RASIP1: variants seen among roughly 807,000 people sequenced by gnomAD.
The protein encoded by RASIP1 is ras-interacting protein 1.
In RASIP1, 20 loss-of-function variants were observed where a neutral mutation model predicts 85.3. The observed-to-expected ratio is 0.23, with a 90% CI of 0.17 to 0.34. The LOEUF (loss-of-function observed/expected upper bound fraction) is 0.34, where lower values mean the gene tolerates loss of function less well. Among genes scored for constraint, RASIP1 ranks in the 10% least tolerant of loss-of-function variants. RASIP1 has a pLI of 1.00. For synonymous variants in RASIP1, 617 were observed against 647.1 expected, an observed-to-expected ratio of 0.95 and a Z score of 0.71; for missense variants, 1,170 against 1,390.9, an observed-to-expected ratio of 0.84 and a Z score of 2.53.
At position 48,738,604 on chromosome 19, in the gene RASIP1, C is replaced by T. The variant is rs577617949; in HGVS notation, c.823+356G>A. On this transcript the variant is annotated intron_variant, in intron 3 of 11. Transcript: ENST00000222145. The surrounding 1 kb of genome is among the most constrained non-coding windows in gnomAD (Gnocchi z 4.0). ...GCTACACACCCCACCTCCTCCAAGG[C>T]AGTCTGAAATGCCTGCAGAAGGCCC... The T allele has an allele frequency of 8.3e-5, 15 of 181,484 alleles. No homozygotes were observed. Among genetic ancestry groups the T allele is most frequent in the African/African-American group, 3.5e-4 (15 of 42,644 alleles). 11.2% of individuals were successfully genotyped at this position (181,484 alleles called of 1,614,324 possible). A position where few individuals can be genotyped will look rare whatever the true frequency, so the allele number is the denominator to read the frequency against.
intron 10 of RASIP1, 32 bp from the exon 11 acceptor site, chr19:48,722,033 T>C (rs2033257407): frequency 3.6e-6 from 5 of 1,381,612 alleles, no homozygotes; most frequent in Non-Finnish European, 4.8e-6. Context: ...AGGTTGATGG[T>C]CATTACGGGG....
In RASIP1 at chr19:48,724,931, C is replaced by T; in HGVS notation, c.2157G>A (p.Leu719=). The change falls in exon 9 of 12, where the codon CTG becomes CTA. Residue 719 remains leucine, a synonymous_variant. Coordinates refer to ENST00000222145, the MANE Select transcript of RASIP1 (RefSeq NM_017805.3). This position sits in a 1 kb window ranked among gnomAD's most constrained non-coding sequence, Gnocchi z 4.6. ...KTLYSTLPAL[L]DSNPFTAGAE... Reference sequence around the variant, plus strand: ...CACCAGCTGTGAAAGGGTTACTATCCAGGAGAGCAGGCAGCGTTGAATAGA... The same window carrying T: ...CACCAGCTGTGAAAGGGTTACTATCTAGGAGAGCAGGCAGCGTTGAATAGA... 1 of 1,613,656 alleles carries T rather than the reference C, an allele frequency of 6.2e-7. No homozygotes were observed. The highest frequency in any genetic ancestry group is 8.5e-7 in the Non-Finnish European group (1 of 1,179,596).
rs983944803 is a variant in RASIP1, at chr19:48,721,918, G to A, written c.2628C>T (p.Gly876=). The change falls in exon 11 of 12, where the codon GGC becomes GGT. Residue 876 remains glycine (G), a synonymous_variant. Coordinates refer to ENST00000222145, the MANE Select transcript of RASIP1 (RefSeq NM_017805.3). ...LHHLLSHYQL[G]PGRGPPAAWD... ...ACGCGGCTGGCGGCCCGCGGCCAGG[G>A]CCCAGCTGATAGTGGCTGAGCAGAT... 3 of 1,600,614 alleles carry A rather than the reference G, an allele frequency of 1.9e-6. No individual in the cohort carries two copies. The highest frequency in any genetic ancestry group is 2.6e-6 in the Non-Finnish European group (3 of 1,174,010).
Position 48,739,255 on chromosome 19 carries a change from C to T in RASIP1, c.528G>A (p.Val176=). The change falls in exon 3 of 12, where the codon GTG becomes GTA. Residue 176 remains valine, a synonymous_variant. Coordinates refer to ENST00000222145, the MANE Select transcript of RASIP1 (RefSeq NM_017805.3). This position sits in a 1 kb window ranked among gnomAD's most constrained non-coding sequence, Gnocchi z 9.2. Reference sequence around the variant, plus strand: ...GGCCGTAGCGCTCTAGCGCCTCGGCCACGAGCTCGCGCGCCGTGGAGCGCG... The same window carrying T: ...GGCCGTAGCGCTCTAGCGCCTCGGCTACGAGCTCGCGCGCCGTGGAGCGCG... ...ATARSTAREL[V]AEALERYGLA... 1 of 1,472,214 alleles carries T rather than the reference C, an allele frequency of 6.8e-7. No homozygotes were observed. The highest frequency in any genetic ancestry group is 2.1e-4 in the Middle Eastern group (1 of 4,790). The allele number at this position is 1,472,214 out of a possible 1,614,324, so 91.2% of individuals were successfully genotyped here. A position where few individuals can be genotyped will look rare whatever the true frequency, so the allele number is the denominator to read the frequency against.
At chr19:48,732,047 C>G (rs543254) in intron 4 of RASIP1, among the ~76,000 whole-genome samples, 4 of 149,584 alleles carry the variant, frequency 2.7e-5, no homozygotes, top group African/African-American at 9.8e-5. Flanking sequence ...TCAAATGAAA[C>G]CTTTTTTTTT....
At position 48,720,747 on chromosome 19, in the gene RASIP1, C is replaced by G. The variant is rs375767234; in HGVS notation, c.*51G>C. 24 of 1,572,056 alleles carry G rather than the reference C, an allele frequency of 1.5e-5. No individual in the cohort carries two copies. In the African/African-American group the frequency reaches 1.6e-4, roughly 11 times the overall value. On this transcript the variant is annotated 3_prime_UTR_variant, in exon 12 of 12. Coordinates refer to ENST00000222145, the MANE Select transcript of RASIP1 (RefSeq NM_017805.3). ...CTTTGCGCTCAGGCGGGCTCCTGTC[C>G]GTAGAAGCCCGTGACATTTCAAGGT...
Position 48,740,525 on chromosome 19 carries a change from C to T in RASIP1, c.-9G>A. On this transcript the variant is annotated 5_prime_UTR_variant, in exon 1 of 12. Coordinates refer to ENST00000222145, the MANE Select transcript of RASIP1 (RefSeq NM_017805.3). The surrounding 1 kb of genome is among the most constrained non-coding windows in gnomAD (Gnocchi z 5.5). The stretch of plus-strand genomic sequence containing the variant: ...TGCTGGGTCCCTGGCTCTTACCCTG[C>T]TTCGGGTCCGGCACACCCGGAGGCC... The T allele has an allele frequency of 2.9e-6, 4 of 1,389,752 alleles. No homozygotes were observed. Among genetic ancestry groups the T allele is most frequent in the Non-Finnish European group, 3.7e-6 (4 of 1,079,380 alleles). 86.1% of individuals were successfully genotyped at this position (1,389,752 alleles called of 1,614,324 possible). A position where few individuals can be genotyped will look rare whatever the true frequency, so the allele number is the denominator to read the frequency against.
Position 48,721,908 on chromosome 19 carries a change from C to T in RASIP1, c.2638G>A (p.Gly880Arg), listed in dbSNP as rs746217873. ...LSHYQLGPGR[G>R]PPAAWDPPPA... ...GGAGGGTCCCACGCGGCTGGCGGCCCGCGGCCAGGGCCCAGCTGATAGTGG... is the reference window on the plus strand; with the variant it reads ...GGAGGGTCCCACGCGGCTGGCGGCCTGCGGCCAGGGCCCAGCTGATAGTGG... The change falls in exon 11 of 12, where the codon GGG (glycine) becomes AGG (arginine). Residue 880 changes from glycine (G) to arginine (R), a missense_variant. By Grantham distance (125) the Gly-to-Arg change is moderately radical. Around this residue, in one of 4 missense-constraint regions of RASIP1, gnomAD observed 144 missense variants for 125.5 expected, o/e 1.15. Transcript: ENST00000222145. 10 of 1,604,550 alleles carry T rather than the reference C, an allele frequency of 6.2e-6. No homozygotes were observed. In the East Asian group the frequency reaches 1.1e-4, roughly 18 times the overall value.
intron 3 of RASIP1, among the ~76,000 whole-genome samples, 161 bp from the exon 4 acceptor site, chr19:48,735,712 T>C (rs2033557703): frequency 6.6e-6 from 1 of 152,238 alleles, no homozygotes; most frequent in African/African-American, 2.4e-5. Flanking sequence ...GTGGAACACC[T>C]TTCTGTCCTG....
intron 4 of RASIP1, among the ~76,000 whole-genome samples, chr19:48,730,871 G>C (rs940890300): frequency 6.6e-6 from 1 of 152,132 alleles, no homozygotes; most frequent in Non-Finnish European, 1.5e-5. Flanking sequence ...ACAAAAATTA[G>C]CCAGGCATGG....
chr19:48,738,067 C>T lies in RASIP1; in HGVS notation c.823+893G>A. 2.1e-6 allele frequency: 1 copy of T among 484,412 alleles called. No individual in the cohort carries two copies. Among genetic ancestry groups the T allele is most frequent in the Non-Finnish European group, 2.7e-6 (1 of 372,340 alleles). 30.0% of individuals were successfully genotyped at this position (484,412 alleles called of 1,614,324 possible). ...TCAAATTATTCTCATGTCTCGGCCT[C>T]CCGAGTAGCTGGGATTACAGGCATG... On this transcript the variant is annotated intron_variant, in intron 3 of 11. Transcript: ENST00000222145. The surrounding 1 kb of genome is among the most constrained non-coding windows in gnomAD (Gnocchi z 4.0).
At chr19:48,726,910 A>G (rs1331283001) in intron 7 of RASIP1, 22 bp from the exon 8 acceptor site, 1 of 1,610,976 alleles carries the variant, frequency 6.2e-7, no homozygotes, top group African/African-American at 1.3e-5. Context: ...CTTGGGGTTA[A>G]GAGGGAGAAC....
In RASIP1 at chr19:48,735,185, G is replaced by A. The variant is rs757965877; in HGVS notation, c.1179+11C>T. On this transcript the variant is annotated intron_variant, in intron 4 of 11. Coordinates refer to ENST00000222145, the MANE Select transcript of RASIP1 (RefSeq NM_017805.3). ...AGGGCTCTGGGCGTGCGGGGCTGGGGCGGCGGTTACCTGGGCGTCCTGGTA... is the reference window on the plus strand; with the variant it reads ...AGGGCTCTGGGCGTGCGGGGCTGGGACGGCGGTTACCTGGGCGTCCTGGTA... 3.8e-6 allele frequency: 6 copies of A among 1,598,490 alleles called. No homozygotes were observed. Among genetic ancestry groups the A allele is most frequent in the Non-Finnish European group, 5.1e-6 (6 of 1,170,646 alleles).
At position 48,740,031 on chromosome 19, in the gene RASIP1, T is replaced by C. The variant is rs947587960; in HGVS notation, c.137+115A>G. On this transcript the variant is annotated intron_variant, in intron 2 of 11. Transcript: ENST00000222145. The surrounding 1 kb of genome is among the most constrained non-coding windows in gnomAD (Gnocchi z 5.5). Reference sequence around the variant, plus strand: ...CCGTCTCCCCCTGCCCACCAGCTCGTTTGCCCAATTCAGGATGAGGACCGG... The same window carrying C: ...CCGTCTCCCCCTGCCCACCAGCTCGCTTGCCCAATTCAGGATGAGGACCGG... 7.4e-7 allele frequency: 1 copy of C among 1,355,240 alleles called. No individual in the cohort carries two copies. Among genetic ancestry groups the C allele is most frequent in the Non-Finnish European group, 9.8e-7 (1 of 1,022,942 alleles). 84.0% of individuals were successfully genotyped at this position (1,355,240 alleles called of 1,614,324 possible).
intron 8 of RASIP1, 63 bp downstream of exon 8, chr19:48,726,722 G>T: frequency 7.9e-7 from 1 of 1,260,762 alleles, no homozygotes; most frequent in Non-Finnish European, 1.1e-6. Flanking sequence ...CAAACAGGAA[G>T]TGATATTACG....
In RASIP1 at chr19:48,727,416, T is replaced by C. The variant is rs1266671076; in HGVS notation, c.1848A>G (p.Glu616=). Residue 616 remains glutamate (E), a synonymous_variant, in exon 6 of 12, where the codon GAA becomes GAG. Coordinates refer to ENST00000222145, the MANE Select transcript of RASIP1 (RefSeq NM_017805.3). ...ACTTTTCTGGCTGACGGTCTCCAAT[T>C]TCCTTAATCTTTTCCTGTGGAACAG... ...IKEAVWEKIK[E]IGDRQPENHP... The C allele has an allele frequency of 3.7e-6, 6 of 1,613,990 alleles. No homozygotes were observed. In the Admixed American group the frequency reaches 1.0e-4, roughly 27 times the overall value.
At chr19:48,728,487 C>T (rs1377567914) in intron 5 of RASIP1, among the ~76,000 whole-genome samples, 2 of 152,126 alleles carry the variant, frequency 1.3e-5, no homozygotes, top group Non-Finnish European at 2.9e-5. Flanking sequence ...CCCAAAACAC[C>T]GGGTGTGGTG....
At chr19:48,734,168 G>A (rs906561772) in intron 4 of RASIP1, among the ~76,000 whole-genome samples, 33 of 151,690 alleles carry the variant, frequency 2.2e-4, no homozygotes, top group African/African-American at 7.0e-4. Flanking sequence ...GGTGGCGGGC[G>A]CCTGTAGTCC....
chr19:48,731,113 A>G (rs756866732), intron 4 of RASIP1, among the ~76,000 whole-genome samples: 5 of 152,114 alleles, frequency 3.3e-5, no homozygotes, highest in African/African-American at 4.8e-5. Context: ...TCTCTCTACT[A>G]AAAATACAAA....
Sources: gnomAD v4.1 joint callset for allele counts (sites outside exome capture counted in the v4.1 genomes callset) on GRCh38, gnomAD v4.1.1 for gene constraint, gnomAD v4.1.1 regional missense constraint, Gnocchi (gnomAD v3.1) non-coding constraint, MANE v1.5 for transcripts, NCBI Gene and HGNC (gene_info 2026-07-23, HGNC 2026-07-21) for gene names.